The following SLC25A26 variants were observed in gnomAD, a reference collection of about 807,000 sequenced individuals.
The protein encoded by SLC25A26 is solute carrier family 25 member 26.
SLC25A26 carries 36 observed loss-of-function variants against 37.8 expected under a neutral mutation model. The ratio of observed to expected loss-of-function variants is 0.95; its 90% CI spans 0.73 to 1.26. The LOEUF (loss-of-function observed/expected upper bound fraction) is 1.26, where lower values mean the gene tolerates loss of function less well. Among genes scored for constraint, SLC25A26 ranks in the 50% most tolerant of loss-of-function variants. SLC25A26 has a pLI of 0.00. For synonymous variants in SLC25A26, 129 were observed against 122.5 expected (o/e 1.05, Z -0.35); for missense variants, 390 against 331.1 (o/e 1.18, Z -1.38).
chr3:66,217,571 G>A (rs1354039500), upstream of SLC25A26, among the ~76,000 whole-genome samples: 1 of 148,134 alleles, frequency 6.8e-6, no homozygotes, highest in African/African-American at 2.5e-5. Flanking sequence ...TTTTTGAGAT[G>A]GAGTCTTGCT....
intron 5 of SLC25A26, among the ~76,000 whole-genome samples, chr3:66,267,838 T>C (rs994307418): frequency 6.6e-6 from 1 of 152,198 alleles, no homozygotes; most frequent in African/African-American, 2.4e-5. Flanking sequence ...TTCAGACTTG[T>C]TTTCCCTTAA....
At chr3:66,237,159 T>C (rs1319511447) in intron 2 of SLC25A26, among the ~76,000 whole-genome samples, 1 of 152,128 alleles carries the variant, frequency 6.6e-6, no homozygotes, top group Admixed American at 6.6e-5. Context: ...TATTTTTGAA[T>C]CAGATAGTGT....
At chr3:66,293,810 C>A (rs891519638) in intron 5 of SLC25A26, among the ~76,000 whole-genome samples, 3 of 152,038 alleles carry the variant, frequency 2.0e-5, no homozygotes, top group African/African-American at 7.3e-5. Context: ...TAGGTTGATT[C>A]CATGTCTTTG....
intron 1 of SLC25A26, among the ~76,000 whole-genome samples, chr3:66,231,291 C>T (rs191785812): frequency 8.5e-5 from 13 of 152,188 alleles, no homozygotes; most frequent in Admixed American, 7.9e-4. Context: ...AGCTTAGGGT[C>T]AGTAGGTTGA....
chr3:66,198,193 T>A (rs2071069506), intron 1 of SLC25A26, among the ~76,000 whole-genome samples: 1 of 151,976 alleles, frequency 6.6e-6, no homozygotes, highest in Admixed American at 6.6e-5. Context: ...ACTGTCTAGG[T>A]CAGGGTGTTT....
chr3:66,208,666 A>ATATATATATACACACATTTATATGGG (rs2071213397), intron 1 of SLC25A26, among the ~76,000 whole-genome samples: 8 of 33,950 alleles, frequency 2.4e-4, no homozygotes, highest in African/African-American at 4.8e-4. Context: ...ATATGGGTAT[A>ATATATATATACACACATTTATATGGG]TATATATATA....
At chr3:66,281,822 C>CTTTTTT (rs35569177) in intron 5 of SLC25A26, among the ~76,000 whole-genome samples, 2 of 122,456 alleles carry the variant, frequency 1.6e-5, no homozygotes. Context: ...CCCGTTAGTC[C>CTTTTTT]TTTTTTTTTT....
intron 3 of SLC25A26, among the ~76,000 whole-genome samples, chr3:66,254,760 T>C (rs951434155): frequency 1.3e-5 from 2 of 152,380 alleles, no homozygotes; most frequent in South Asian, 2.1e-4. Context: ...ATATATAAAA[T>C]GGTGACATAA....
At chr3:66,350,741 C>T (rs1440906905) in intron 6 of SLC25A26, among the ~76,000 whole-genome samples, 3 of 152,114 alleles carry the variant, frequency 2.0e-5, no homozygotes, top group African/African-American at 4.8e-5. Flanking sequence ...CACACCCACA[C>T]GCACACACAA....
Position 66,236,580 on chromosome 3 carries a change from T to C in SLC25A26, c.70T>C (p.Leu24=). 6.7e-7 allele frequency: 1 copy of C among 1,495,938 alleles called. No homozygotes were observed. Among genetic ancestry groups the C allele is most frequent in the Non-Finnish European group, 8.9e-7 (1 of 1,119,018 alleles). The allele number at this position is 1,495,938 out of a possible 1,614,324, so 92.7% of individuals were successfully genotyped here. Reference sequence around the variant, plus strand: ...AGCAGGTGTTTCTGTTGACTTGATATTATTTCCTCTGGATACCATTAAAAC... The same window carrying C: ...AGCAGGTGTTTCTGTTGACTTGATACTATTTCCTCTGGATACCATTAAAAC... ...GVAGVSVDLI[L]FPLDTIKTRL... Residue 24 remains leucine, a synonymous_variant, in exon 2 of 10, where the codon TTA becomes CTA. Transcript: ENST00000354883.
At chr3:66,296,043 G>A (rs549310200) in intron 5 of SLC25A26, among the ~76,000 whole-genome samples, 44 of 152,136 alleles carry the variant, frequency 2.9e-4, no homozygotes, top group Non-Finnish European at 5.7e-4. Context: ...CTTGAACCCG[G>A]GAGGCGGAGG....
In SLC25A26 at chr3:66,190,609, A is replaced by G. The variant is rs1011241695; in HGVS notation, c.-353-30133A>G. 7.2e-5 allele frequency among the ~76,000 whole-genome samples: 11 copies of G among 151,960 alleles called. 1 individual carries two copies. The South Asian group carries it at 2.1e-3, about 29-fold the overall frequency. Reference sequence around the variant, plus strand: ...GCACCTGGTTAATTTTTGTATTTTTAGTAGAGATGGGGTTTCACCATGTTG... The same window carrying G: ...GCACCTGGTTAATTTTTGTATTTTTGGTAGAGATGGGGTTTCACCATGTTG... On this transcript the variant is annotated intron_variant, in intron 1 of 10. Coordinates refer to the SLC25A26 transcript ENST00000676754.
chr3:66,154,753 A>C (rs2070256671), intron 1 of SLC25A26, among the ~76,000 whole-genome samples: 1 of 152,122 alleles, frequency 6.6e-6, no homozygotes, highest in Non-Finnish European at 1.5e-5. Flanking sequence ...AAGTGCTGGG[A>C]TTACAGGCAT....
chr3:66,152,882 A>T (rs767260646), intron 1 of SLC25A26, among the ~76,000 whole-genome samples: 7 of 152,096 alleles, frequency 4.6e-5, no homozygotes, highest in Non-Finnish European at 7.4e-5. Context: ...TCAAGCATCC[A>T]CCTAGGGCAG....
chr3:66,209,928 A>ATATATATATATATG (rs2071260972), intron 1 of SLC25A26, among the ~76,000 whole-genome samples: 1 of 74,684 alleles, frequency 1.3e-5, no homozygotes, highest in African/African-American at 6.3e-5. Flanking sequence ...ATATATATAT[A>ATATATATATATATG]TATATATATA....
chr3:66,221,870 T>C (rs1392342686), intron 1 of SLC25A26, among the ~76,000 whole-genome samples: 1 of 151,294 alleles, frequency 6.6e-6, no homozygotes, highest in East Asian at 1.9e-4. Flanking sequence ...AGACAAATAA[T>C]TTTTAAAATG....
chr3:66,199,688 C>A (rs2071085695), intron 1 of SLC25A26, among the ~76,000 whole-genome samples: 1 of 152,028 alleles, frequency 6.6e-6, no homozygotes, highest in Non-Finnish European at 1.5e-5. Flanking sequence ...TCAACTTCAT[C>A]CTGACCCTCA....
At chr3:66,371,641 C>T (rs1201859463) in intron 9 of SLC25A26, among the ~76,000 whole-genome samples, 2 of 152,072 alleles carry the variant, frequency 1.3e-5, no homozygotes, top group Admixed American at 6.6e-5. Context: ...GTGGGAAGGG[C>T]CTAGTGGGGG....
chr3:66,134,424 G>C (rs1157778986), intron 1 of SLC25A26, among the ~76,000 whole-genome samples: 1 of 152,196 alleles, frequency 6.6e-6, no homozygotes, highest in East Asian at 1.9e-4. Flanking sequence ...TTGTGTGTTT[G>C]TCACAGAGAA....
Sources: allele counts gnomAD v4.1 joint callset (sites outside exome capture counted in the v4.1 genomes callset), GRCh38; gene constraint gnomAD v4.1.1; transcripts MANE v1.5; gene names NCBI Gene and HGNC (gene_info 2026-07-23, HGNC 2026-07-21).